Variants in PTPN9 observed in about 807,000 individuals in gnomAD.
The protein encoded by PTPN9 is protein tyrosine phosphatase non-receptor type 9, also known as tyrosine-protein phosphatase non-receptor type 9.
PTPN9 carries 26 observed loss-of-function variants against 69.8 expected under a neutral mutation model. The ratio of observed to expected loss-of-function variants is 0.37; its 90% CI spans 0.27 to 0.52. The LOEUF (loss-of-function observed/expected upper bound fraction) is 0.52. PTPN9 is among the 20% of genes least tolerant of loss of function. The probability of loss-of-function intolerance (pLI) is 0.91; values close to 1 mark genes in which losing one functional copy is unlikely to be tolerated. For missense variants in PTPN9, 549 were observed against 740.3 expected (o/e 0.74, Z 3.00); for synonymous variants, 274 against 272.5 (o/e 1.01, Z -0.05).
At position 75,469,656 on chromosome 15, in the gene PTPN9, G is replaced by A. The variant is rs555277427; in HGVS notation, c.1567+136C>T. The A allele has an allele frequency of 4.0e-5, 38 of 953,944 alleles. No homozygotes were observed. In the African/African-American group the frequency reaches 5.5e-4, roughly 14 times the overall value. The allele number at this position is 953,944 out of a possible 1,614,324, so 59.1% of individuals were successfully genotyped here. A position where few individuals can be genotyped will look rare whatever the true frequency, so the allele number is the denominator to read the frequency against. On this transcript the variant is annotated intron_variant, in intron 12 of 12. Coordinates refer to ENST00000618819, the MANE Select transcript of PTPN9 (RefSeq NM_002833.4). Reference sequence around the variant, plus strand: ...TCCACCAAAAGGACATTAGATGAGGGATTTTTCACAGCAATTCACCACCAA... The same window carrying A: ...TCCACCAAAAGGACATTAGATGAGGAATTTTTCACAGCAATTCACCACCAA...
At chr15:75,512,055 G>C (rs1025609818) in intron 5 of PTPN9, among the ~76,000 whole-genome samples, 4 of 152,048 alleles carry the variant, frequency 2.6e-5, no homozygotes, top group African/African-American at 9.7e-5. Flanking sequence ...ATGTTGGCCA[G>C]GCTGGTCTCG....
Position 75,470,033 on chromosome 15 carries a change from T to C in PTPN9, c.1360-34A>G, listed in dbSNP as rs369262214. ...AGAAAAGAAGTAAACGTTAACAAGG[T>C]TATTTCTGCCTGCCCCTAGCTACCT... On this transcript the variant is annotated intron_variant, in intron 11 of 12. Coordinates refer to ENST00000618819, the MANE Select transcript of PTPN9 (RefSeq NM_002833.4). The C allele has an allele frequency of 7.8e-5, 122 of 1,559,958 alleles. No homozygotes were observed. In the African/African-American group the frequency reaches 1.5e-3, roughly 19 times the overall value.
chr15:75,521,090 A>T (rs2074902563), intron 4 of PTPN9, among the ~76,000 whole-genome samples: 1 of 151,966 alleles, frequency 6.6e-6, no homozygotes, highest in Admixed American at 6.6e-5. Flanking sequence ...GGCTCAAGCG[A>T]TCCTCTCACC....
rs781064905 is a variant in PTPN9, at chr15:75,564,438, C to CA, written c.63+14275dup. On this transcript the variant is annotated intron_variant, in intron 1 of 12. Transcript: ENST00000618819. ...TGAAACCCCGTCTCTACTAAAAATA[C>CA]AAAAAAAATTAGCCAGGCGTGGTAG... Among the ~76,000 whole-genome samples, 9 of 151,154 alleles carry CA rather than the reference C, an allele frequency of 6.0e-5. No individual in the cohort carries two copies. The East Asian group carries it at 1.2e-3, about 20-fold the overall frequency.
At chr15:75,480,378 G>T (rs1454036532) in intron 8 of PTPN9, among the ~76,000 whole-genome samples, 1 of 152,166 alleles carries the variant, frequency 6.6e-6, no homozygotes, top group Non-Finnish European at 1.5e-5. Context: ...GCCGAGGAGG[G>T]TGGATCACGA....
chr15:75,562,203 C>T (rs1224232434), intron 1 of PTPN9, among the ~76,000 whole-genome samples: 1 of 152,172 alleles, frequency 6.6e-6, no homozygotes, highest in Non-Finnish European at 1.5e-5. Flanking sequence ...CTGAGAGCTA[C>T]AGCCAGAGGC....
At chr15:75,483,597 G>GA (rs1022371113) in intron 8 of PTPN9, among the ~76,000 whole-genome samples, 41 of 152,108 alleles carry the variant, frequency 2.7e-4, no homozygotes, top group South Asian at 1.4e-3. Flanking sequence ...TTTGGGAAAT[G>GA]AAAAAAATGT....
chr15:75,560,604 G>A (rs1268062723), intron 1 of PTPN9, among the ~76,000 whole-genome samples: 1 of 152,224 alleles, frequency 6.6e-6, no homozygotes, highest in Non-Finnish European at 1.5e-5. Context: ...GGGTGCAGAG[G>A]CTCACACCTG....
chr15:75,471,733 G>C (rs143757353), intron 10 of PTPN9, among the ~76,000 whole-genome samples: 1 of 147,140 alleles, frequency 6.8e-6, no homozygotes, highest in East Asian at 2.1e-4. Context: ...TGGCCAACAC[G>C]GTGAAACCCC....
At position 75,578,776 on chromosome 15, in the gene PTPN9, TCCCCCC is replaced by T; in HGVS notation, c.-6_-1del. 1 of 1,248,284 alleles carries T rather than the reference TCCCCCC, an allele frequency of 8.0e-7. No homozygotes were observed. The highest frequency in any genetic ancestry group is 1.0e-6 in the Non-Finnish European group (1 of 996,980). The allele number at this position is 1,248,284 out of a possible 1,614,324, so 77.3% of individuals were successfully genotyped here. On this transcript the variant is annotated 5_prime_UTR_variant, in exon 1 of 13. Coordinates refer to ENST00000618819, the MANE Select transcript of PTPN9 (RefSeq NM_002833.4). ...GGCCGGGGCGCGGTCGCGGGCTCCA[TCCCCCC>T]GCCACCGCCGCCGGGCGGACAAAAC...
intron 8 of PTPN9, chr15:75,487,638 C>G (rs964461043): frequency 6.6e-6 from 1 of 152,254 alleles, no homozygotes; most frequent in Non-Finnish European, 1.5e-5. Context: ...CTGTACTCCA[C>G]TCCTTCAGGG....
intron 6 of PTPN9, among the ~76,000 whole-genome samples, chr15:75,508,249 G>C (rs2074830199): frequency 1.3e-5 from 2 of 152,006 alleles, no homozygotes; most frequent in African/African-American, 4.8e-5. Context: ...GTGGCGGCGG[G>C]GTCTCACTGT....
chr15:75,470,765 C>T lies in PTPN9; in HGVS notation c.1274G>A (p.Arg425Gln), dbSNP rs745713152. 23 of 1,614,096 alleles carry T rather than the reference C, an allele frequency of 1.4e-5. No homozygotes were observed. Among genetic ancestry groups the T allele is most frequent in the African/African-American group, 2.7e-5 (2 of 74,932 alleles). The change falls in exon 11 of 13, where the codon CGA becomes CAA. Residue 425 changes from arginine (R) to glutamine (Q), a missense_variant. Around this residue, in one of 3 missense-constraint regions of PTPN9, gnomAD observed 457 missense variants for 661.9 expected, o/e 0.69. Coordinates refer to ENST00000618819, the MANE Select transcript of PTPN9 (RefSeq NM_002833.4). Reference sequence around the variant, plus strand: ...ATTGGTCACTGTGAGGAAGCCAAATCGGATCCGAGAGTCTTTTTCTAAAGG... The same window carrying T: ...ATTGGTCACTGTGAGGAAGCCAAATTGGATCCGAGAGTCTTTTTCTAAAGG... ...YWPLEKDSRI[R>Q]FGFLTVTNLG...
chr15:75,479,254 T>C (rs2074614301), intron 9 of PTPN9, among the ~76,000 whole-genome samples: 1 of 151,758 alleles, frequency 6.6e-6, no homozygotes, highest in Non-Finnish European at 1.5e-5. Flanking sequence ...TTGCAGTGAG[T>C]GGAGGTCGTA....
chr15:75,496,955 T>C (rs2074746228), intron 7 of PTPN9, among the ~76,000 whole-genome samples: 2 of 152,208 alleles, frequency 1.3e-5, no homozygotes, highest in South Asian at 4.1e-4. Flanking sequence ...TAGAACTGTT[T>C]GGTTTTGAAA....
chr15:75,509,178 G>A, intron 5 of PTPN9, 151 bp from the exon 6 acceptor site: 3 of 594,372 alleles, frequency 5.0e-6, no homozygotes, highest in South Asian at 2.2e-5. Flanking sequence ...GAGGAAAAGT[G>A]GTTAAACAAA....
At chr15:75,558,892 C>T (rs1188490789) in intron 1 of PTPN9, among the ~76,000 whole-genome samples, 2 of 152,204 alleles carry the variant, frequency 1.3e-5, no homozygotes, top group Non-Finnish European at 2.9e-5. Flanking sequence ...CCTCCACCTC[C>T]CAGCCGCCTG....
rs528561947 is a variant in PTPN9, at chr15:75,516,367, G to C, written c.528+892C>G. Among the ~76,000 whole-genome samples the C allele has an allele frequency of 2.1e-5, 3 of 145,680 alleles. No individual in the cohort carries two copies. The Admixed American group carries it at 2.1e-4, about 10-fold the overall frequency. ...CGCCCAGGCTGGAGTGCAGTGGCACGATCTTGGCTCACTGCAAGCTCCGCC... is the reference window on the plus strand; with the variant it reads ...CGCCCAGGCTGGAGTGCAGTGGCACCATCTTGGCTCACTGCAAGCTCCGCC... On this transcript the variant is annotated intron_variant, in intron 5 of 12. Transcript: ENST00000618819.
intron 1 of PTPN9, 126 bp from the exon 2 acceptor site, chr15:75,527,387 A>C: frequency 9.8e-7 from 1 of 1,016,286 alleles, no homozygotes; most frequent in East Asian, 2.6e-5. Context: ...TACAGGGAGC[A>C]GGGAAAGACA....
Sources: allele counts gnomAD v4.1 joint callset (sites outside exome capture counted in the v4.1 genomes callset), GRCh38; gene constraint gnomAD v4.1.1; regional missense constraint gnomAD v4.1.1; transcripts MANE v1.5; gene names NCBI Gene and HGNC (gene_info 2026-07-23, HGNC 2026-07-21).